The following GLP2R variants were observed in gnomAD, a reference collection of about 807,000 sequenced individuals.
GLP2R encodes glucagon-like peptide 2 receptor.
In GLP2R, 59 loss-of-function variants were observed where a neutral mutation model predicts 68.2. That is an observed-to-expected ratio of 0.87 (90% CI 0.70 to 1.07). GLP2R has a LOEUF of 1.07. Among genes scored for constraint, GLP2R ranks in the 50% least tolerant of loss-of-function variants. The probability of loss-of-function intolerance (pLI) is 0.00; values close to 1 mark genes in which losing one functional copy is unlikely to be tolerated. For synonymous variants in GLP2R, 270 were observed against 265.4 expected, an observed-to-expected ratio of 1.02 and a Z score of -0.17; for missense variants, 548 against 677.4, an observed-to-expected ratio of 0.81 and a Z score of 2.12.
chr17:9,838,695 A>T (rs929887087), intron 3 of GLP2R, among the ~76,000 whole-genome samples: 1 of 152,218 alleles, frequency 6.6e-6, no homozygotes, highest in African/African-American at 2.4e-5. Flanking sequence ...AAGAGGTGGG[A>T]AGTTACTCTT....
Position 9,860,041 on chromosome 17 carries a change from C to A in GLP2R, c.865C>A (p.Leu289Met). The A allele has an allele frequency of 6.2e-7, 1 of 1,613,556 alleles. No homozygotes were observed. The highest frequency in any genetic ancestry group is 2.2e-5 in the East Asian group (1 of 44,850). Reference protein sequence around the residue: ...LVEGLYLHTLLEPTVLPERRL... With the variant: ...LVEGLYLHTLMEPTVLPERRL... ...TGAAGGCCTCTACCTCCACACGCTG[C>A]TGGAGCCCACAGTGCTTCCTGAGAG... Residue 289 changes from leucine (L) to methionine (M), a missense_variant, in exon 7 of 13, where the codon CTG becomes ATG. Transcript: ENST00000262441.
rs952925354 is a variant in GLP2R at position 9,890,344 on chromosome 17, C to T, written c.*639C>T. On this transcript the variant is annotated 3_prime_UTR_variant, in exon 13 of 13. Transcript: ENST00000262441. ...CCCAGGTCAGCTGGGGTGTGCCTGCCCTCCTTGGAGAGTATGTAACTCCAC... is the reference window on the plus strand; with the variant it reads ...CCCAGGTCAGCTGGGGTGTGCCTGCTCTCCTTGGAGAGTATGTAACTCCAC... The T allele has an allele frequency of 3.3e-6, 1 of 301,732 alleles. No individual in the cohort carries two copies. Among genetic ancestry groups the T allele is most frequent in the African/African-American group, 2.2e-5 (1 of 45,204 alleles). The allele number at this position is 301,732 out of a possible 1,614,324, so 18.7% of individuals were successfully genotyped here.
At chr17:9,878,264 T>G (rs867188643) in intron 10 of GLP2R, among the ~76,000 whole-genome samples, 2 of 152,132 alleles carry the variant, frequency 1.3e-5, no homozygotes, top group African/African-American at 4.8e-5. Context: ...TTGCCAGATC[T>G]CCTCATTTTT....
At chr17:9,838,208 G>A (rs2066751523) in intron 3 of GLP2R, among the ~76,000 whole-genome samples, 1 of 152,286 alleles carries the variant, frequency 6.6e-6, no homozygotes, top group South Asian at 2.1e-4. Flanking sequence ...GGAGCCCCGA[G>A]GTCAGACCCA....
chr17:9,863,218 C>T (rs543691472), intron 9 of GLP2R, among the ~76,000 whole-genome samples: 8 of 152,338 alleles, frequency 5.3e-5, no homozygotes, highest in Admixed American at 2.6e-4. Context: ...TCTCCAGCCA[C>T]ACTGCCCAGC....
intron 10 of GLP2R, among the ~76,000 whole-genome samples, chr17:9,877,569 G>A (rs944304776): frequency 6.6e-6 from 1 of 152,076 alleles, no homozygotes; most frequent in Non-Finnish European, 1.5e-5. Flanking sequence ...TTTGACAAAC[G>A]GGCATGGTTA....
At chr17:9,844,262 T>C (rs1425096874) in intron 4 of GLP2R, among the ~76,000 whole-genome samples, 2 of 152,078 alleles carry the variant, frequency 1.3e-5, no homozygotes, top group African/African-American at 4.8e-5. Context: ...CTTTGTATAT[T>C]GAAGTAGGAG....
chr17:9,868,363 A>G (rs1163277482), intron 9 of GLP2R, among the ~76,000 whole-genome samples: 1 of 152,174 alleles, frequency 6.6e-6, no homozygotes, highest in Non-Finnish European at 1.5e-5. Flanking sequence ...TATACCGGCA[A>G]TCACCTCTGC....
chr17:9,875,737 G>A (rs1006206270), intron 10 of GLP2R, among the ~76,000 whole-genome samples: 10 of 152,194 alleles, frequency 6.6e-5, no homozygotes, highest in South Asian at 4.1e-4. Context: ...TCAGCAGACC[G>A]TCAGCTCAGC....
intron 2 of GLP2R, among the ~76,000 whole-genome samples, chr17:9,834,946 C>T (rs2066713313): frequency 6.6e-6 from 1 of 152,024 alleles, no homozygotes; most frequent in South Asian, 2.1e-4. Flanking sequence ...CACCTGGCAG[C>T]CAGGTCGACA....
intron 10 of GLP2R, among the ~76,000 whole-genome samples, chr17:9,871,842 A>T (rs961281390): frequency 3.4e-5 from 5 of 148,030 alleles, no homozygotes; most frequent in Non-Finnish European, 5.9e-5. Context: ...CTCCTGCCTC[A>T]GCCTCCTGAG....
chr17:9,836,479 A>G lies in GLP2R; in HGVS notation c.382+4A>G, dbSNP rs370116224. On this transcript the variant is annotated splice_donor_region_variant and intron_variant, in intron 3 of 12. Coordinates refer to ENST00000262441, the MANE Select transcript of GLP2R (RefSeq NM_004246.3). ...TACTTACCTTGGTGGAGTGAAGGTA[A>G]TAAGTCTTATTTTTACCAATTTTCC... 5.1e-6 allele frequency: 8 copies of G among 1,558,568 alleles called. No homozygotes were observed. Among genetic ancestry groups the G allele is most frequent in the East Asian group, 4.5e-5 (2 of 44,652 alleles).
At chr17:9,878,493 G>A (rs2067161073) in intron 10 of GLP2R, among the ~76,000 whole-genome samples, 1 of 152,160 alleles carries the variant, frequency 6.6e-6, no homozygotes, top group East Asian at 1.9e-4. Context: ...TATTAATGTT[G>A]CCTAGCGAAA....
rs774906296 is a variant in GLP2R at position 9,861,143 on chromosome 17, C to G, written c.930C>G (p.Phe310Leu). The G allele has an allele frequency of 1.2e-6, 2 of 1,613,624 alleles. No individual in the cohort carries two copies. Among genetic ancestry groups the G allele is most frequent in the Non-Finnish European group, 1.7e-6 (2 of 1,179,646 alleles). ...WPRYLLLGWA[F>L]PVLFVVPWGF... Reference sequence around the variant, plus strand: ...TTCCCTGTGTTTTCTCCCCAGCCTTCCCTGTGCTATTTGTTGTACCCTGGG... The same window carrying G: ...TTCCCTGTGTTTTCTCCCCAGCCTTGCCTGTGCTATTTGTTGTACCCTGGG... The change falls in exon 8 of 13, where the codon TTC becomes TTG. Residue 310 changes from phenylalanine to leucine, a missense_variant. Transcript: ENST00000262441.
chr17:9,875,239 A>G (rs1220705103), intron 10 of GLP2R, among the ~76,000 whole-genome samples: 1 of 152,172 alleles, frequency 6.6e-6, no homozygotes, highest in African/African-American at 2.4e-5. Flanking sequence ...GCTCTTTACT[A>G]TAACCCCAGC....
chr17:9,882,023 A>T (rs948195485), intron 11 of GLP2R, among the ~76,000 whole-genome samples: 1 of 149,320 alleles, frequency 6.7e-6, no homozygotes, highest in Admixed American at 6.7e-5. Flanking sequence ...CCATTTTGGG[A>T]CCATACACAT....
chr17:9,845,749 G>A (rs1329436973), intron 4 of GLP2R, among the ~76,000 whole-genome samples: 2 of 31,170 alleles, frequency 6.4e-5, no homozygotes, highest in Admixed American at 2.1e-4. Context: ...GTGTGTGTGC[G>A]TGTGTGTGTG....
rs2067289762 is a variant in GLP2R at position 9,891,430 on chromosome 17, G to A, written c.*1725G>A. The A allele has an allele frequency of 6.6e-6, 1 of 152,232 alleles. No individual in the cohort carries two copies. The highest frequency in any genetic ancestry group is 2.4e-5 in the African/African-American group (1 of 41,458). The allele number at this position is 152,232 out of a possible 1,614,324, so 9.4% of individuals were successfully genotyped here. ...CATTTATAGAAATGAAATTTGATTG[G>A]AGCCAGGGGCAGGATAAGGGTGAGG... On this transcript the variant is annotated 3_prime_UTR_variant, in exon 13 of 13. Coordinates refer to ENST00000262441, the MANE Select transcript of GLP2R (RefSeq NM_004246.3).
intron 1 of GLP2R, among the ~76,000 whole-genome samples, chr17:9,826,500 G>A (rs1329610296): frequency 1.3e-5 from 2 of 151,752 alleles, no homozygotes; most frequent in East Asian, 1.9e-4. Context: ...AACATGTTGT[G>A]TCCTGGTCCC....
Sources: gnomAD v4.1 joint callset for allele counts (sites outside exome capture counted in the v4.1 genomes callset) on GRCh38, gnomAD v4.1.1 for gene constraint, MANE v1.5 for transcripts, NCBI Gene and HGNC (gene_info 2026-07-23, HGNC 2026-07-21) for gene names.